Variants in SLC22A25 observed in about 807,000 individuals in gnomAD.
SLC22A25 encodes the protein solute carrier family 22 member 25.
A neutral mutation model predicts 45.9 loss-of-function variants in SLC22A25; 44 were observed. That is an observed-to-expected ratio of 0.96 (90% CI 0.75 to 1.23). The LOEUF is 1.23. Ranked by LOEUF, SLC22A25 falls within the 50% of genes most tolerant of loss-of-function variation. The pLI, the probability that SLC22A25 is intolerant of heterozygous loss-of-function variation, is 0.00. For synonymous variants in SLC22A25, 283 were observed against 238.6 expected, an observed-to-expected ratio of 1.19 and a Z score of -1.72; for missense variants, 800 against 666.4, an observed-to-expected ratio of 1.20 and a Z score of -2.21.
chr11:63,196,807 A>G (rs2134768226), intron 7 of SLC22A25, among the ~76,000 whole-genome samples: 1 of 152,324 alleles, frequency 6.6e-6, no homozygotes, highest in South Asian at 2.1e-4. Flanking sequence ...GAAAAGAGGA[A>G]GTCAAATTGT....
At chr11:63,209,236 C>T (rs922918899) in intron 7 of SLC22A25, among the ~76,000 whole-genome samples, 1 of 152,100 alleles carries the variant, frequency 6.6e-6, no homozygotes, top group Non-Finnish European at 1.5e-5. Context: ...TTGTTTACAG[C>T]CCTGCCTAGA....
intron 7 of SLC22A25, among the ~76,000 whole-genome samples, chr11:63,212,380 T>C (rs916394243): frequency 3.3e-5 from 5 of 152,146 alleles, no homozygotes; most frequent in South Asian, 2.1e-4. Context: ...ATGTTTATTG[T>C]GGCACTATTC....
At chr11:63,206,017 A>G (rs1322262103) in intron 7 of SLC22A25, among the ~76,000 whole-genome samples, 1 of 152,146 alleles carries the variant, frequency 6.6e-6, no homozygotes, top group South Asian at 2.1e-4. Context: ...TCACATAAAC[A>G]GAACAAATGA....
intron 7 of SLC22A25, among the ~76,000 whole-genome samples, chr11:63,186,261 T>C (rs2134743452): frequency 6.7e-6 from 1 of 148,934 alleles, no homozygotes; most frequent in South Asian, 2.2e-4. Context: ...TGGTATCTCA[T>C]TGTGGTTTTG....
At chr11:63,205,468 G>A (rs1286884299) in intron 7 of SLC22A25, among the ~76,000 whole-genome samples, 1 of 151,960 alleles carries the variant, frequency 6.6e-6, no homozygotes, top group Non-Finnish European at 1.5e-5. Context: ...ATGATAAAGG[G>A]GATATCACTG....
intron 7 of SLC22A25, among the ~76,000 whole-genome samples, chr11:63,206,082 A>C (rs1405527768): frequency 6.6e-6 from 1 of 152,218 alleles, no homozygotes; most frequent in Non-Finnish European, 1.5e-5. Flanking sequence ...ATAAAATTGA[A>C]CACCACTTCA....
intron 7 of SLC22A25, among the ~76,000 whole-genome samples, chr11:63,188,025 G>A (rs1449775987): frequency 6.6e-6 from 1 of 152,138 alleles, no homozygotes; most frequent in Non-Finnish European, 1.5e-5. Context: ...TTGTGTCTCT[G>A]CCAGGCTTTG....
chr11:63,208,247 G>A lies in SLC22A25; in HGVS notation c.830+9067C>T, dbSNP rs1201647254. The A allele has an allele frequency of 9.2e-5, 14 of 152,376 alleles. No individual in the cohort carries two copies. In the South Asian group the frequency reaches 2.9e-3, roughly 32 times the overall value. The allele number at this position is 152,376 out of a possible 1,614,324, so 9.4% of individuals were successfully genotyped here. On this transcript the variant is annotated intron_variant, in intron 7 of 11. Coordinates refer to ENST00000306494, the MANE Select transcript of SLC22A25 (RefSeq NM_199352.6). ...GCCTGGCAGTGCAATGGAGCCAGGG[G>A]TGGGGCTGCAGTATGATACCAGCAC...
rs748707664 is a variant in SLC22A25 at position 63,229,317 on chromosome 11, A to T, written c.336T>A (p.Asp112Glu). The T allele has an allele frequency of 6.2e-7, 1 of 1,610,268 alleles. No individual in the cohort carries two copies. The highest frequency in any genetic ancestry group is 8.5e-7 in the Non-Finnish European group (1 of 1,177,880). The stretch of plus-strand genomic sequence containing the variant: ...CCCAGCCATCCACACAGGGCTCTGT[A>T]TCTGGCTCACTCGTGTTGGGGAAGG... ...NGTFPNTSEP[D>E]TEPCVDGWVY... Residue 112 changes from aspartate to glutamate, a missense_variant, in exon 4 of 12, where the codon GAT becomes GAA. By Grantham distance (45) the Asp-to-Glu change is conservative. Coordinates refer to ENST00000306494, the MANE Select transcript of SLC22A25 (RefSeq NM_199352.6).
chr11:63,183,570 T>C, intron 8 of SLC22A25, 124 bp downstream of exon 8: 1 of 1,214,778 alleles, frequency 8.2e-7, no homozygotes, highest in Non-Finnish European at 1.2e-6. Context: ...AGAATGATCG[T>C]GAGGTGAGAT....
chr11:63,183,921 C>T, intron 7 of SLC22A25, 104 bp from the exon 8 acceptor site: 5 of 1,492,368 alleles, frequency 3.4e-6, no homozygotes, highest in Non-Finnish European at 4.6e-6. Flanking sequence ...ATACCCACCT[C>T]TTGTTTGGTT....
intron 9 of SLC22A25, among the ~76,000 whole-genome samples, chr11:63,177,839 G>GTATATATATATAATGTATATATATAA (rs1590797350): frequency 1.9e-5 from 1 of 51,766 alleles, no homozygotes; most frequent in East Asian, 9.2e-4. Flanking sequence ...TATATAATGT[G>GTATATATATATAATGTATATATATAA]TATATATATA....
chr11:63,172,748 A>C (rs11231392), intron 9 of SLC22A25, among the ~76,000 whole-genome samples: 50,971 of 151,442 alleles, frequency 0.34, 8,990 homozygotes, highest in East Asian at 0.56. Flanking sequence ...GGAGAAATAG[A>C]AACAATTTTA....
chr11:63,233,567 T>C (rs1052484161), intron 3 of SLC22A25, among the ~76,000 whole-genome samples: 15 of 152,228 alleles, frequency 9.9e-5, no homozygotes, highest in African/African-American at 3.1e-4. Context: ...TCAATTTTGT[T>C]GATCTTTTCA....
intron 3 of SLC22A25, among the ~76,000 whole-genome samples, chr11:63,235,353 T>C (rs1008431137): frequency 6.6e-6 from 1 of 152,198 alleles, no homozygotes; most frequent in Non-Finnish European, 1.5e-5. Context: ...GTTTTTATTC[T>C]TTTTTTCTCT....
At chr11:63,231,915 T>G (rs1054457215) in intron 3 of SLC22A25, among the ~76,000 whole-genome samples, 1 of 152,210 alleles carries the variant, frequency 6.6e-6, no homozygotes, top group Non-Finnish European at 1.5e-5. Flanking sequence ...CTTGTTTTTG[T>G]CAGGTTTGTC....
chr11:63,224,136 C>A (rs764946119), intron 5 of SLC22A25, among the ~76,000 whole-genome samples: 20 of 151,954 alleles, frequency 1.3e-4, no homozygotes, highest in Non-Finnish European at 1.5e-5. Context: ...CTGAGTGCAC[C>A]AATGTTGTGC....
chr11:63,174,738 T>C (rs1481990509), intron 9 of SLC22A25, among the ~76,000 whole-genome samples: 4 of 152,142 alleles, frequency 2.6e-5, no homozygotes, highest in African/African-American at 9.7e-5. Context: ...ATGCATAATG[T>C]TGCACAGCAT....
intron 8 of SLC22A25, among the ~76,000 whole-genome samples, chr11:63,181,020 G>A (rs2088300584): frequency 6.6e-6 from 1 of 152,130 alleles, no homozygotes; most frequent in Admixed American, 6.6e-5. Context: ...TGGCTGCAGA[G>A]CATTGAAAAG....
Sources: allele counts gnomAD v4.1 joint callset (sites outside exome capture counted in the v4.1 genomes callset), GRCh38; gene constraint gnomAD v4.1.1; transcripts MANE v1.5; gene names NCBI Gene and HGNC (gene_info 2026-07-23, HGNC 2026-07-21).